The following TNNI3K variants were observed in gnomAD, a reference collection of about 807,000 sequenced individuals.
The protein encoded by TNNI3K is serine/threonine-protein kinase TNNI3K.
Under a neutral mutation model 114.5 loss-of-function variants are expected in TNNI3K, and 140 were observed. That is an observed-to-expected ratio of 1.22 (90% CI 1.07 to 1.41). The LOEUF is 1.41. Among genes scored for constraint, TNNI3K ranks in the 40% most tolerant of loss-of-function variants. The probability of loss-of-function intolerance (pLI) is 0.00; values close to 1 mark genes in which losing one functional copy is unlikely to be tolerated. For synonymous variants in TNNI3K, 347 were observed against 347.5 expected (o/e 1.00, Z 0.02); for missense variants, 1,125 against 1,007.6 (o/e 1.12, Z -1.58).
At chr1:74,315,536 CAAAT>C (rs1659257300) in intron 5 of TNNI3K, among the ~76,000 whole-genome samples, 2 of 150,756 alleles carry the variant, frequency 1.3e-5, no homozygotes, top group South Asian at 4.2e-4. Flanking sequence ...GTGATTTTGA[CAAAT>C]AAAACCAAGT....
intron 6 of TNNI3K, among the ~76,000 whole-genome samples, chr1:74,332,297 CTT>C (rs528138817): frequency 6.9e-6 from 1 of 144,466 alleles, no homozygotes; most frequent in Admixed American, 7.0e-5. Context: ...GCTATTTGCC[CTT>C]TTTTTTTTTT....
chr1:74,242,400 G>A (rs1208300834), intron 2 of TNNI3K, among the ~76,000 whole-genome samples: 11 of 152,022 alleles, frequency 7.2e-5, no homozygotes, highest in Non-Finnish European at 1.3e-4. Context: ...TTCATCTGAG[G>A]CCTGTTGCAT....
In TNNI3K at chr1:74,329,655, C is replaced by G. The variant is rs545957515; in HGVS notation, c.445-1795C>G. Among the ~76,000 whole-genome samples the G allele has an allele frequency of 2.6e-5, 4 of 152,132 alleles. No individual in the cohort carries two copies. In the East Asian group the frequency reaches 7.7e-4, roughly 29 times the overall value. On this transcript the variant is annotated intron_variant, in intron 5 of 24. Coordinates refer to ENST00000326637, the MANE Select transcript of TNNI3K (RefSeq NM_015978.3). Reference sequence around the variant, plus strand: ...GGATGAATAGGTGATTAAAAATTAACTATTTCAAACTATGAAGCACTCAGA... The same window carrying G: ...GGATGAATAGGTGATTAAAAATTAAGTATTTCAAACTATGAAGCACTCAGA...
chr1:74,426,161 A>C (rs1235310954), intron 17 of TNNI3K, among the ~76,000 whole-genome samples: 5 of 152,096 alleles, frequency 3.3e-5, no homozygotes, highest in African/African-American at 1.2e-4. Flanking sequence ...CCATAGTAAA[A>C]GCTATAGTTT....
intron 17 of TNNI3K, among the ~76,000 whole-genome samples, chr1:74,403,109 C>T (rs932588744): frequency 1.3e-5 from 2 of 151,998 alleles, no homozygotes; most frequent in Non-Finnish European, 2.9e-5. Context: ...TATCTATGTG[C>T]TTCTGGGTAT....
At chr1:74,494,398 TA>T (rs1212793594) in intron 23 of TNNI3K, among the ~76,000 whole-genome samples, 2 of 152,224 alleles carry the variant, frequency 1.3e-5, no homozygotes, top group African/African-American at 4.8e-5. Flanking sequence ...CTTTAATCTA[TA>T]AAATGTCATG....
At chr1:74,503,686 T>C (rs1254447420) in intron 23 of TNNI3K, among the ~76,000 whole-genome samples, 1 of 152,162 alleles carries the variant, frequency 6.6e-6, no homozygotes, top group Non-Finnish European at 1.5e-5. Context: ...AGTGGCAAAA[T>C]ATAAAAGGCA....
rs975602604 is a variant in TNNI3K, at chr1:74,544,097, T to C, written c.*115T>C. ...TTTACTCTCAAAGGTCTCCTTAAAT[T>C]GGGCTTGTTTTTACTTGTCCTATTT... On this transcript the variant is annotated 3_prime_UTR_variant, in exon 25 of 25. Coordinates refer to ENST00000326637, the MANE Select transcript of TNNI3K (RefSeq NM_015978.3). 1 of 1,184,134 alleles carries C rather than the reference T, an allele frequency of 8.4e-7. No homozygotes were observed. Among genetic ancestry groups the C allele is most frequent in the Non-Finnish European group, 1.2e-6 (1 of 862,660 alleles). 73.4% of individuals were successfully genotyped at this position (1,184,134 alleles called of 1,614,324 possible).
chr1:74,518,634 T>A lies in TNNI3K; in HGVS notation c.2352-21600T>A, dbSNP rs183589578. Among the ~76,000 whole-genome samples, 180 of 152,282 alleles carry A rather than the reference T, an allele frequency of 1.2e-3. 1 individual carries two copies. In the Middle Eastern group the frequency reaches 0.031, roughly 26 times the overall value. ...GCCTGCCTGGGGAGCACACTGTCAG[T>A]GCAGAGGCTTCATAATGCATCGCTA... On this transcript the variant is annotated intron_variant, in intron 23 of 24. Transcript: ENST00000326637.
chr1:74,531,917 G>T (rs780875297), intron 23 of TNNI3K, among the ~76,000 whole-genome samples: 2 of 152,156 alleles, frequency 1.3e-5, no homozygotes, highest in Non-Finnish European at 2.9e-5. Context: ...GGCCTTAAAT[G>T]GTGTTGCCTT....
At chr1:74,248,651 C>A (rs1227833712) in intron 2 of TNNI3K, among the ~76,000 whole-genome samples, 1 of 152,022 alleles carries the variant, frequency 6.6e-6, no homozygotes, top group African/African-American at 2.4e-5. Flanking sequence ...AAAATTACAC[C>A]TCAAAATGAA....
At chr1:74,268,526 G>A (rs1656151607) in intron 4 of TNNI3K, among the ~76,000 whole-genome samples, 1 of 151,820 alleles carries the variant, frequency 6.6e-6, no homozygotes, top group African/African-American at 2.4e-5. Context: ...AGGGAGTGGA[G>A]TTAGGAGGAA....
chr1:74,410,627 T>A (rs951644204), intron 17 of TNNI3K, among the ~76,000 whole-genome samples: 2 of 152,222 alleles, frequency 1.3e-5, no homozygotes, highest in African/African-American at 4.8e-5. Flanking sequence ...GCTGCAAAAC[T>A]AAACCATGAA....
At chr1:74,279,448 T>C (rs1239563029) in intron 5 of TNNI3K, among the ~76,000 whole-genome samples, 2 of 152,184 alleles carry the variant, frequency 1.3e-5, no homozygotes, top group East Asian at 1.9e-4. Context: ...AAATAGAATC[T>C]CAAGACTACC....
chr1:74,238,713 A>G (rs1293689899), intron 2 of TNNI3K, among the ~76,000 whole-genome samples: 1 of 152,092 alleles, frequency 6.6e-6, no homozygotes, highest in Non-Finnish European at 1.5e-5. Flanking sequence ...TACTGAGGAT[A>G]ATGGTGAGAC....
chr1:74,451,694 T>TTCTTTTCTTTTC (rs58585385), intron 20 of TNNI3K, among the ~76,000 whole-genome samples: 7 of 56,338 alleles, frequency 1.2e-4, no homozygotes, highest in African/African-American at 5.5e-4. Flanking sequence ...TTTCTTTCTT[T>TTCTTTTCTTTTC]CTTTCTTTCT....
intron 17 of TNNI3K, among the ~76,000 whole-genome samples, chr1:74,407,839 T>C (rs745674751): frequency 3.3e-5 from 5 of 152,152 alleles, no homozygotes; most frequent in Non-Finnish European, 5.9e-5. Context: ...CCACTTATGA[T>C]GCCTAGATAA....
chr1:74,260,645 A>C (rs1464190255), intron 4 of TNNI3K, among the ~76,000 whole-genome samples: 2 of 152,118 alleles, frequency 1.3e-5, no homozygotes, highest in Non-Finnish European at 2.9e-5. Context: ...TTGAACTCTA[A>C]CTTTGACAAA....
At chr1:74,436,238 C>A in intron 18 of TNNI3K, 106 bp downstream of exon 18, 2 of 1,389,674 alleles carry the variant, frequency 1.4e-6, no homozygotes, top group Non-Finnish European at 2.0e-6. Context: ...GACAGCTATA[C>A]TACACTGAAC....
Sources: allele counts gnomAD v4.1 joint callset (sites outside exome capture counted in the v4.1 genomes callset), GRCh38; gene constraint gnomAD v4.1.1; transcripts MANE v1.5; gene names NCBI Gene and HGNC (gene_info 2026-07-23, HGNC 2026-07-21).